TENM2: variants seen among roughly 807,000 people sequenced by gnomAD.
The protein encoded by TENM2 is teneurin transmembrane protein 2.
TENM2 carries 52 observed loss-of-function variants against 245.2 expected under a neutral mutation model. That is an observed-to-expected ratio of 0.21 (90% CI 0.17 to 0.27). The LOEUF is 0.27. Ranked by LOEUF, TENM2 falls within the 10% of genes least tolerant of loss-of-function variation. The pLI, the probability that TENM2 is intolerant of heterozygous loss-of-function variation, is 1.00. For missense variants in TENM2, 3,046 were observed against 3,666.8 expected, an observed-to-expected ratio of 0.83 and a Z score of 4.37; for synonymous variants, 1,363 against 1,438.9, an observed-to-expected ratio of 0.95 and a Z score of 1.19.
chr5:167,244,160 G>A, the TENM2 span, among the ~76,000 whole-genome samples: 9 of 152,204 alleles, frequency 5.9e-5, no homozygotes, highest in Middle Eastern at 3.4e-3. Flanking sequence ...TCCTTTATGT[G>A]TTCTTCTAAT....
chr5:168,262,448 A>C, exon 29 of TENM2: 1 of 1,569,742 alleles, frequency 6.4e-7, no homozygotes, highest in Non-Finnish European at 8.6e-7. Context: ...GTCCCAGCCC[A>C]CGCTGCTGGT....
intron 1 of TENM2, among the ~76,000 whole-genome samples, chr5:167,304,065 A>G (rs1349846212): frequency 2.6e-5 from 4 of 152,216 alleles, no homozygotes; most frequent in Non-Finnish European, 5.9e-5. Context: ...TCTGACAATA[A>G]TGTGCTAAAT....
At chr5:168,002,243 G>C (rs1784466263) in intron 5 of TENM2, among the ~76,000 whole-genome samples, 1 of 152,162 alleles carries the variant, frequency 6.6e-6, no homozygotes, top group African/African-American at 2.4e-5. Context: ...GTTTTCATTT[G>C]AGTTAGGTCA....
intron 2 of TENM2, among the ~76,000 whole-genome samples, chr5:167,665,032 C>T (rs1582691394): frequency 6.6e-6 from 1 of 152,300 alleles, no homozygotes; most frequent in East Asian, 1.9e-4. Context: ...TAATCACACT[C>T]TGCAAATGGA....
Position 168,247,319 on chromosome 5 carries a change from A to G in TENM2, c.6380A>G (p.Glu2127Gly). Residue 2127 changes from glutamate (E) to glycine (G), a missense_variant, in exon 27 of 29, where the codon GAA (glutamate) becomes GGA (glycine). Glu to Gly is a moderately conservative substitution (Grantham distance 98, BLOSUM62 -2). This residue lies in a region of TENM2 where 2,704 missense variants were observed against 3,331.9 expected (regional missense o/e 0.81). Transcript: ENST00000518659. This position sits in a 1 kb window ranked among gnomAD's most constrained non-coding sequence, Gnocchi z 7.8. Reference sequence around the variant, plus strand: ...TATGATGAGATTTCTGGCAAGGTGGAACACTTTGGTAAGTTTGGAGTCATC... The same window carrying G: ...TATGATGAGATTTCTGGCAAGGTGGGACACTTTGGTAAGTTTGGAGTCATC... 1 of 1,613,994 alleles carries G rather than the reference A, an allele frequency of 6.2e-7. No individual in the cohort carries two copies. Among genetic ancestry groups the G allele is most frequent in the Non-Finnish European group, 8.5e-7 (1 of 1,179,894 alleles).
chr5:168,244,737 G>T lies in TENM2; in HGVS notation c.5817+21G>T. ...ACAAGGTAGGTGAACATGCTGCCCT[G>T]ACAGCAAGGGCTTTCTGTTATTTCT... is the stretch of plus-strand genomic sequence containing the variant. On this transcript the variant is annotated intron_variant, in intron 26 of 28. Transcript: ENST00000518659. This position sits in a 1 kb window ranked among gnomAD's most constrained non-coding sequence, Gnocchi z 4.9. The T allele has an allele frequency of 7.1e-7, 1 of 1,400,766 alleles. No homozygotes were observed. The highest frequency in any genetic ancestry group is 1.8e-5 in the South Asian group (1 of 54,290). The allele number at this position is 1,400,766 out of a possible 1,614,324, so 86.8% of individuals were successfully genotyped here. A position where few individuals can be genotyped will look rare whatever the true frequency, so the allele number is the denominator to read the frequency against.
At position 167,453,432 on chromosome 5, in the gene TENM2, C is replaced by T. The variant is rs181217684; in HGVS notation, c.502+77959C>T. 3.9e-4 allele frequency among the ~76,000 whole-genome samples: 59 copies of T among 152,148 alleles called. 1 individual carries two copies. In the East Asian group the frequency reaches 0.011, roughly 28 times the overall value. The stretch of plus-strand genomic sequence containing the variant: ...AAAAAAGACTTACTTGTCCCTTTCC[C>T]GGGATAGGAAGACATCACATTGTGA... On this transcript the variant is annotated intron_variant, in intron 2 of 28. Coordinates refer to ENST00000518659, the Ensembl canonical transcript of TENM2.
intron 1 of TENM2, among the ~76,000 whole-genome samples, chr5:167,320,778 G>A (rs1756663518): frequency 1.3e-5 from 2 of 152,154 alleles, no homozygotes; most frequent in Admixed American, 1.3e-4. Context: ...AGAACTGTGA[G>A]CCAATAAATT....
At chr5:168,099,844 C>G (rs962613702) in intron 9 of TENM2, among the ~76,000 whole-genome samples, 1 of 152,154 alleles carries the variant, frequency 6.6e-6, no homozygotes, top group East Asian at 1.9e-4. Flanking sequence ...TAAATGACAC[C>G]GCTTACAGGC....
chr5:167,270,283 A>T, the TENM2 span, among the ~76,000 whole-genome samples: 2 of 152,194 alleles, frequency 1.3e-5, no homozygotes, highest in Non-Finnish European at 2.9e-5. Flanking sequence ...CACTTTAAGG[A>T]TCACGAAGTA....
the TENM2 span, among the ~76,000 whole-genome samples, chr5:167,223,220 G>A: frequency 2.0e-5 from 3 of 152,102 alleles, no homozygotes; most frequent in South Asian, 4.2e-4. Context: ...TGAAAGATAC[G>A]ATACATTGTT....
In TENM2 at chr5:167,466,294, C is replaced by T. The variant is rs148462719; in HGVS notation, c.502+90821C>T. Among the ~76,000 whole-genome samples the T allele has an allele frequency of 2.6e-4, 39 of 152,356 alleles. No homozygotes were observed. In the East Asian group the frequency reaches 7.3e-3, roughly 29 times the overall value. ...TCCCAAGCATGGGCTCACGAACTCT[C>T]CTCCCTACTTGTGTTGTCAAACACA... On this transcript the variant is annotated intron_variant, in intron 2 of 28. Coordinates refer to ENST00000518659, the Ensembl canonical transcript of TENM2.
rs73803235 is a variant in TENM2 at position 167,846,419 on chromosome 5, G to A, written c.503-29567G>A. On this transcript the variant is annotated intron_variant, in intron 2 of 28. Coordinates refer to ENST00000518659, the Ensembl canonical transcript of TENM2. The stretch of plus-strand genomic sequence containing the variant: ...CCTGAATGGCAAGTCATTTCATTTC[G>A]GAATTATCCTGAATCAGAAAAGAGA... 2.1e-3 allele frequency among the ~76,000 whole-genome samples: 316 copies of A among 152,250 alleles called. 3 individuals carry two copies. The highest frequency in any genetic ancestry group is 7.1e-3 in the African/African-American group (294 of 41,540).
intron 4 of TENM2, among the ~76,000 whole-genome samples, chr5:167,977,279 G>A (rs530439333): frequency 3.2e-4 from 49 of 152,028 alleles, no homozygotes; most frequent in African/African-American, 1.1e-3. Flanking sequence ...CCCATGACAC[G>A]AGTTTATCTA....
chr5:167,141,310 A>G, the TENM2 span, among the ~76,000 whole-genome samples: 57 of 152,228 alleles, frequency 3.7e-4, no homozygotes, highest in South Asian at 1.2e-3. Context: ...AAGAGAGTAG[A>G]TGGTATTATC....
chr5:168,047,691 A>G, intron 6 of TENM2, 142 bp downstream of exon 8: 3 of 1,024,126 alleles, frequency 2.9e-6, no homozygotes, highest in Middle Eastern at 2.8e-4. Flanking sequence ...TGCCTTTCAT[A>G]GGTGCCCCCA....
At chr5:167,278,873 T>G in the TENM2 span, among the ~76,000 whole-genome samples, 5 of 152,346 alleles carry the variant, frequency 3.3e-5, no homozygotes, top group East Asian at 7.7e-4. Flanking sequence ...CTTTCCACAT[T>G]CTCGCTAACT....
At chr5:168,104,178 T>C (rs1366179405) in intron 9 of TENM2, among the ~76,000 whole-genome samples, 1 of 152,026 alleles carries the variant, frequency 6.6e-6, no homozygotes, top group Non-Finnish European at 1.5e-5. Flanking sequence ...TACCAGTGCA[T>C]ACCACCACAC....
intron 9 of TENM2, among the ~76,000 whole-genome samples, chr5:168,104,746 G>T (rs144413831): frequency 6.6e-6 from 1 of 151,982 alleles, no homozygotes; most frequent in Non-Finnish European, 1.5e-5. Flanking sequence ...CGTTTATTCC[G>T]CAGCCCTCAC....
Sources: allele counts gnomAD v4.1 joint callset (sites outside exome capture counted in the v4.1 genomes callset), GRCh38; gene constraint gnomAD v4.1.1; regional missense constraint gnomAD v4.1.1; non-coding constraint Gnocchi (gnomAD v3.1); transcripts MANE v1.5; gene names NCBI Gene and HGNC (gene_info 2026-07-23, HGNC 2026-07-21).